Variants in SYNGR1 observed in about 807,000 individuals in gnomAD.
SYNGR1 encodes the protein synaptogyrin-1.
SYNGR1 carries 14 observed loss-of-function variants against 26.1 expected under a neutral mutation model. The ratio of observed to expected loss-of-function variants is 0.54; its 90% CI spans 0.35 to 0.84. The LOEUF (loss-of-function observed/expected upper bound fraction) is 0.84, where lower values mean the gene tolerates loss of function less well. Among genes scored for constraint, SYNGR1 ranks in the 40% least tolerant of loss-of-function variants. The pLI is 0.01. For synonymous variants in SYNGR1, 141 were observed against 150.1 expected, an observed-to-expected ratio of 0.94 and a Z score of 0.44; for missense variants, 319 against 332.9, an observed-to-expected ratio of 0.96 and a Z score of 0.33.
At chr22:39,371,602 C>G (rs1451469839) in intron 1 of SYNGR1, among the ~76,000 whole-genome samples, 1 of 152,012 alleles carries the variant, frequency 6.6e-6, no homozygotes, top group East Asian at 1.9e-4. Flanking sequence ...ACCAGCCTGA[C>G]AAACATGACG....
chr22:39,385,240 C>A lies in SYNGR1; in HGVS notation c.*3326C>A, dbSNP rs1041978046. The stretch of plus-strand genomic sequence containing the variant: ...TCCCAGCGATGCACTTGACCTGACA[C>A]TCCCCATGTCCTGGTGCGCACAGCC... On this transcript the variant is annotated 3_prime_UTR_variant, in exon 4 of 4. Transcript: ENST00000328933. The A allele has an allele frequency of 1.9e-5, 7 of 375,216 alleles. No individual in the cohort carries two copies. The South Asian group carries it at 4.4e-4, about 24-fold the overall frequency. The allele number at this position is 375,216 out of a possible 1,614,324, so 23.2% of individuals were successfully genotyped here.
rs183310929 is a variant in SYNGR1 at position 39,384,402 on chromosome 22, A to C, written c.*2488A>C. 1.9e-3 allele frequency: 766 copies of C among 397,734 alleles called. 10 individuals carry two copies. In the East Asian group the frequency reaches 0.023, roughly 12 times the overall value. 24.6% of individuals were successfully genotyped at this position (397,734 alleles called of 1,614,324 possible). On this transcript the variant is annotated 3_prime_UTR_variant, in exon 4 of 4. Transcript: ENST00000328933. The stretch of plus-strand genomic sequence containing the variant: ...GGAATGGGGGGTGCTGAGTCATCTC[A>C]CGAAGAATCCCTCACTCTTCCCGGG...
chr22:39,356,206 C>T (rs927904663), intron 1 of SYNGR1, among the ~76,000 whole-genome samples: 1 of 40,880 alleles, frequency 2.4e-5, no homozygotes, highest in Admixed American at 2.8e-4. Flanking sequence ...AGATGTCCGC[C>T]ACCACACCCG....
intron 1 of SYNGR1, among the ~76,000 whole-genome samples, chr22:39,359,506 C>T (rs1344006628): frequency 2.6e-5 from 4 of 151,674 alleles, no homozygotes; most frequent in Non-Finnish European, 5.9e-5. Flanking sequence ...TGGCGGGGGC[C>T]TGTAGTCCCA....
chr22:39,377,689 A>C, intron 3 of SYNGR1: 4 of 1,613,532 alleles, frequency 2.5e-6, no homozygotes, highest in Non-Finnish European at 3.4e-6. Context: ...GCACAGCCGT[A>C]GGCCTCCCCG....
At position 39,350,186 on chromosome 22, in the gene SYNGR1, CCCCG is replaced by C; in HGVS notation, c.99+78_99+81del. 4.0e-6 allele frequency: 1 copy of C among 248,034 alleles called. No homozygotes were observed. The highest frequency in any genetic ancestry group is 5.6e-6 in the Non-Finnish European group (1 of 178,890). 15.4% of individuals were successfully genotyped at this position (248,034 alleles called of 1,614,324 possible). A position where few individuals can be genotyped will look rare whatever the true frequency, so the allele number is the denominator to read the frequency against. Reference sequence around the variant, plus strand: ...AGCAAAGGCGGCGCGCCCGGACCGACCCCGACCCCGACCCCAACGGGCCCCCGGC... The same window carrying C: ...AGCAAAGGCGGCGCGCCCGGACCGACACCCCGACCCCAACGGGCCCCCGGC... On this transcript the variant is annotated intron_variant, in intron 1 of 3. Transcript: ENST00000328933. The surrounding 1 kb of genome is among the most constrained non-coding windows in gnomAD (Gnocchi z 4.3).
At position 39,382,096 on chromosome 22, in the gene SYNGR1, C is replaced by T; in HGVS notation, c.*182C>T. 1 of 668,684 alleles carries T rather than the reference C, an allele frequency of 1.5e-6. No individual in the cohort carries two copies. The highest frequency in any genetic ancestry group is 2.6e-6 in the Non-Finnish European group (1 of 384,742). 41.4% of individuals were successfully genotyped at this position (668,684 alleles called of 1,614,324 possible). ...GTGTTGGGGACTGTCTACGTATGTG[C>T]AAGTATATCCCAGGGCATGTGCCCC... On this transcript the variant is annotated 3_prime_UTR_variant, in exon 4 of 4. Coordinates refer to ENST00000328933, the MANE Select transcript of SYNGR1 (RefSeq NM_004711.5).
At chr22:39,358,449 G>A (rs1161503866) in intron 1 of SYNGR1, among the ~76,000 whole-genome samples, 2 of 152,286 alleles carry the variant, frequency 1.3e-5, no homozygotes, top group East Asian at 3.9e-4. Context: ...TTTTGCTACT[G>A]CTCACTCTTT....
At chr22:39,371,231 C>T (rs1040631006) in intron 1 of SYNGR1, among the ~76,000 whole-genome samples, 6 of 152,104 alleles carry the variant, frequency 3.9e-5, no homozygotes, top group African/African-American at 1.4e-4. Flanking sequence ...AATCCCAGCA[C>T]TTTGGGAGGC....
chr22:39,381,336 G>A (rs184844057), intron 3 of SYNGR1, among the ~76,000 whole-genome samples: 15 of 152,282 alleles, frequency 9.9e-5, no homozygotes, highest in Admixed American at 4.6e-4. Flanking sequence ...CCTTTGTCCC[G>A]CTGAGAAGCT....
At position 39,357,614 on chromosome 22, in the gene SYNGR1, CGGGCCCCGCCCTCGG is replaced by C. The variant is rs1184247080; in HGVS notation, c.99+7506_99+7520del. On this transcript the variant is annotated intron_variant, in intron 1 of 3. Coordinates refer to ENST00000328933, the MANE Select transcript of SYNGR1 (RefSeq NM_004711.5). ...GAGTTCCGGGTGGGCGTGGGCTTGGCGGGCCCCGCCCTCGGAGCAGCCGGCCAGCCCTGCTGGCCC... is the reference window on the plus strand; with the variant it reads ...GAGTTCCGGGTGGGCGTGGGCTTGGCAGCAGCCGGCCAGCCCTGCTGGCCC... Among the ~76,000 whole-genome samples, 114 of 146,098 alleles carry C rather than the reference CGGGCCCCGCCCTCGG, an allele frequency of 7.8e-4. 1 individual carries two copies. In the East Asian group the frequency reaches 0.019, roughly 25 times the overall value.
Position 39,376,150 on chromosome 22 carries a change from G to A in SYNGR1, c.436G>A (p.Ala146Thr), listed in dbSNP as rs749936409. The A allele has an allele frequency of 5.0e-6, 8 of 1,614,036 alleles. No individual in the cohort carries two copies. In the Admixed American group the frequency reaches 6.7e-5, roughly 13 times the overall value. ...KDNPLNEGTD[A>T]ARAAIAFSFF... Reference sequence around the variant, plus strand: ...CAACCCACTGAACGAAGGGACGGACGCAGCCCGGGCCGCCATCGCCTTCTC... The same window carrying A: ...CAACCCACTGAACGAAGGGACGGACACAGCCCGGGCCGCCATCGCCTTCTC... The change falls in exon 3 of 4, where the codon GCA (alanine) becomes ACA (threonine). Residue 146 changes from alanine to threonine, a missense_variant. By Grantham distance (58) the Ala-to-Thr change is moderately conservative (BLOSUM62 0). Coordinates refer to ENST00000328933, the MANE Select transcript of SYNGR1 (RefSeq NM_004711.5).
intron 1 of SYNGR1, among the ~76,000 whole-genome samples, chr22:39,357,115 G>C (rs536602546): frequency 6.6e-6 from 1 of 152,104 alleles, no homozygotes; most frequent in African/African-American, 2.4e-5. Flanking sequence ...CAAATTAGCC[G>C]GGTGTGGTGG....
chr22:39,380,175 A>C (rs1043587318), intron 3 of SYNGR1, among the ~76,000 whole-genome samples: 21 of 151,590 alleles, frequency 1.4e-4, no homozygotes, highest in Non-Finnish European at 2.8e-4. Flanking sequence ...AAAAAAAAAA[A>C]AAAACGGGGC....
chr22:39,355,387 C>G (rs1924100622), intron 1 of SYNGR1, among the ~76,000 whole-genome samples: 1 of 152,240 alleles, frequency 6.6e-6, no homozygotes, highest in Non-Finnish European at 1.5e-5. Flanking sequence ...GCCCACGGCC[C>G]TTGTTTGTTA....
chr22:39,372,438 CTTTTTTTTTTTTTTTT>C (rs767314185), intron 1 of SYNGR1, among the ~76,000 whole-genome samples: 6 of 54,652 alleles, frequency 1.1e-4, no homozygotes, highest in Non-Finnish European at 1.6e-4. Context: ...ACGCCCAGCT[CTTTTTTTTTTTTTTTT>C]TTTTTTTTTT....
chr22:39,360,258 C>T (rs1924407363), intron 1 of SYNGR1, among the ~76,000 whole-genome samples: 3 of 152,300 alleles, frequency 2.0e-5, no homozygotes, highest in South Asian at 2.1e-4. Context: ...TCAGTTTCGC[C>T]CTCTCTACTC....
intron 3 of SYNGR1, chr22:39,377,507 C>G: frequency 1.3e-6 from 2 of 1,555,952 alleles, no homozygotes; most frequent in Non-Finnish European, 1.7e-6. Flanking sequence ...ACCTGACCAA[C>G]AGGTGCCTGC....
At position 39,376,966 on chromosome 22, in the gene SYNGR1, A is replaced by G. The variant is rs1271349646; in HGVS notation, c.483+769A>G. ...GCAGCTCGGCTGGCCCCTCTTTCCC[A>G]CTGGTCTGGGTCATGTCTGTTTCTT... On this transcript the variant is annotated intron_variant, in intron 3 of 3. Transcript: ENST00000328933. The G allele has an allele frequency of 1.7e-5, 26 of 1,548,326 alleles. No homozygotes were observed. The Middle Eastern group carries it at 1.5e-3, about 89-fold the overall frequency.
Sources: gnomAD v4.1 joint callset for allele counts (sites outside exome capture counted in the v4.1 genomes callset) on GRCh38, gnomAD v4.1.1 for gene constraint, Gnocchi (gnomAD v3.1) non-coding constraint, MANE v1.5 for transcripts, NCBI Gene and HGNC (gene_info 2026-07-23, HGNC 2026-07-21) for gene names.